The following RAD51B variants were observed in gnomAD, a reference collection of about 807,000 sequenced individuals.
RAD51B encodes RAD51 paralog B, also known as DNA repair protein RAD51 homolog 2.
A neutral mutation model predicts 42.2 loss-of-function variants in RAD51B; 38 were observed. That is an observed-to-expected ratio of 0.90 (90% confidence interval 0.70 to 1.18). RAD51B has a LOEUF of 1.18. Ranked by LOEUF, RAD51B falls within the 50% of genes most tolerant of loss-of-function variation. RAD51B has a pLI of 0.00. For synonymous variants in RAD51B, 154 were observed against 145.2 expected (o/e 1.06, Z -0.43); for missense variants, 373 against 400.7 (o/e 0.93, Z 0.59).
intron 8 of RAD51B, among the ~76,000 whole-genome samples, chr14:68,294,042 C>T (rs1376555960): frequency 1.3e-5 from 2 of 152,220 alleles, no homozygotes; most frequent in Admixed American, 6.5e-5. Context: ...TACACACACA[C>T]TTAATTCAGC....
chr14:68,157,957 A>G (rs2078550090), intron 7 of RAD51B, among the ~76,000 whole-genome samples: 1 of 152,210 alleles, frequency 6.6e-6, no homozygotes, highest in African/African-American at 2.4e-5. Context: ...CTCTGCTGTG[A>G]TAATCCTAGA....
chr14:68,547,785 C>G (rs1888314443), intron 10 of RAD51B, among the ~76,000 whole-genome samples: 1 of 152,194 alleles, frequency 6.6e-6, no homozygotes, highest in Non-Finnish European at 1.5e-5. Context: ...CACCCTGAAG[C>G]AGAACACACT....
chr14:68,541,234 G>A (rs1887950917), intron 10 of RAD51B: 5 of 985,300 alleles, frequency 5.1e-6, no homozygotes, highest in Non-Finnish European at 6.0e-6. Context: ...CTCTTTTCTT[G>A]AAGATTTGAC....
chr14:68,380,293 A>T (rs2083454977), intron 8 of RAD51B, among the ~76,000 whole-genome samples: 1 of 152,220 alleles, frequency 6.6e-6, no homozygotes, highest in African/African-American at 2.4e-5. Context: ...AGAATGTTAG[A>T]TGGGACCAAA....
Position 68,421,956 on chromosome 14 carries a change from G to C in RAD51B, c.957+10429G>C. The C allele has an allele frequency of 3.2e-6, 5 of 1,553,400 alleles. No homozygotes were observed. The South Asian group carries it at 5.6e-5, about 17-fold the overall frequency. ...GAAGTTCTCATTTTCAAATTTCTCC[G>C]TGTAGATGGACTTGCCACCAGTGCC... On this transcript the variant is annotated intron_variant, in intron 9 of 10. Transcript: ENST00000471583.
At chr14:68,596,145 A>G (rs1283789118), downstream of RAD51B, 4 of 593,048 alleles carry the variant, frequency 6.7e-6, no homozygotes, top group Admixed American at 5.7e-5. Flanking sequence ...CTTCTGGGGC[A>G]AGAGGCACAG....
intron 5 of RAD51B, among the ~76,000 whole-genome samples, chr14:67,869,373 G>A (rs2042441318): frequency 6.6e-6 from 1 of 152,140 alleles, no homozygotes; most frequent in Admixed American, 6.5e-5. Flanking sequence ...AAGCAAGAAG[G>A]GAAGTTTAGA....
In RAD51B at chr14:68,647,669, G is replaced by A. The variant is rs551269844; in HGVS notation, c.1037-3112G>A. ...TGTGAACAGCAATTCTAAACTTGAA[G>A]TACATTTTAAAGCCTTGATTGACTG... On this transcript the variant is annotated intron_variant, in intron 10 of 11. Transcript: ENST00000488612. Among the ~76,000 whole-genome samples, 3 of 152,202 alleles carry A rather than the reference G, an allele frequency of 2.0e-5. No homozygotes were observed. The East Asian group carries it at 5.8e-4, about 29-fold the overall frequency.
At chr14:68,518,562 C>CT (rs1045480345) in intron 10 of RAD51B, among the ~76,000 whole-genome samples, 6 of 150,644 alleles carry the variant, frequency 4.0e-5, no homozygotes, top group East Asian at 2.0e-4. Context: ...GAGCCCCCCC[C>CT]CCAGGCCTCC....
intron 5 of RAD51B, among the ~76,000 whole-genome samples, chr14:67,883,304 T>TAA (rs35677863): frequency 7.2e-6 from 1 of 139,334 alleles, no homozygotes; most frequent in African/African-American, 2.7e-5. Context: ...AAATAAAAGC[T>TAA]AAAAAAAAAA....
At chr14:68,394,267 G>T (rs779468844) in intron 8 of RAD51B, among the ~76,000 whole-genome samples, 1 of 152,218 alleles carries the variant, frequency 6.6e-6, no homozygotes, top group Admixed American at 6.5e-5. Flanking sequence ...GCCTCCATCT[G>T]CAGGGGCTGC....
At chr14:68,319,595 T>A (rs1399722788) in intron 8 of RAD51B, among the ~76,000 whole-genome samples, 2 of 152,178 alleles carry the variant, frequency 1.3e-5, no homozygotes, top group Non-Finnish European at 2.9e-5. Context: ...TCCAATTCTA[T>A]TGGGAATGGC....
chr14:68,549,749 A>G (rs889945711), intron 10 of RAD51B, among the ~76,000 whole-genome samples: 4 of 152,168 alleles, frequency 2.6e-5, no homozygotes, highest in African/African-American at 9.7e-5. Flanking sequence ...ATCCAGATGA[A>G]GGGAAAAAGA....
intron 7 of RAD51B, among the ~76,000 whole-genome samples, chr14:68,127,604 AACAC>A (rs1158570155): frequency 0.019 from 2,480 of 133,570 alleles, 14 homozygotes; most frequent in Middle Eastern, 0.026. Context: ...TGTACATTGT[AACAC>A]ACACACACAC....
chr14:68,179,860 T>G (rs1286586559), intron 7 of RAD51B, among the ~76,000 whole-genome samples: 1 of 152,184 alleles, frequency 6.6e-6, no homozygotes, highest in Non-Finnish European at 1.5e-5. Context: ...TGGTATGCCT[T>G]ACATCACATG....
At chr14:68,009,418 C>A (rs2075647554) in intron 7 of RAD51B, among the ~76,000 whole-genome samples, 1 of 151,902 alleles carries the variant, frequency 6.6e-6, no homozygotes, top group African/African-American at 2.4e-5. Context: ...TCATCACTTT[C>A]TATTTCCTTA....
chr14:68,431,370 C>T (rs1310135593), intron 9 of RAD51B, among the ~76,000 whole-genome samples: 2 of 152,178 alleles, frequency 1.3e-5, no homozygotes, highest in Non-Finnish European at 2.9e-5. Flanking sequence ...GGCTGTGAAT[C>T]CATCTGGTCC....
chr14:68,260,316 T>TGGAGGGGGGG (rs1470406420), intron 7 of RAD51B, among the ~76,000 whole-genome samples: 1 of 126,408 alleles, frequency 7.9e-6, no homozygotes, highest in African/African-American at 5.3e-5. Flanking sequence ...TGTGTGTGTG[T>TGGAGGGGGGG]GTGGAGAGGG....
intron 10 of RAD51B, among the ~76,000 whole-genome samples, chr14:68,575,246 GTGAGGGACTCGAGTCTC>G (rs1889909936): frequency 1.3e-5 from 2 of 152,330 alleles, no homozygotes; most frequent in South Asian, 4.1e-4. Flanking sequence ...CAACTGGAAA[GTGAGGGACTCGAGTCTC>G]TGAGGGGTTA....
Sources: gnomAD v4.1 joint callset for allele counts (sites outside exome capture counted in the v4.1 genomes callset) on GRCh38, gnomAD v4.1.1 for gene constraint, MANE v1.5 for transcripts, NCBI Gene and HGNC (gene_info 2026-07-23, HGNC 2026-07-21) for gene names.